CTNND2: variants seen among roughly 807,000 people sequenced by gnomAD.
The protein encoded by CTNND2 is catenin delta-2.
In CTNND2, 22 loss-of-function variants were observed where a neutral mutation model predicts 144.4. The ratio of observed to expected loss-of-function variants is 0.15; its 90% confidence interval spans 0.11 to 0.22. The LOEUF (loss-of-function observed/expected upper bound fraction) is 0.22. CTNND2 is among the 10% of genes least tolerant of loss of function. The probability of loss-of-function intolerance (pLI) is 1.00; values close to 1 mark genes in which losing one functional copy is unlikely to be tolerated. For missense variants in CTNND2, 1,353 were observed against 1,618.8 expected, an observed-to-expected ratio of 0.84 and a Z score of 2.82; for synonymous variants, 751 against 695.6, an observed-to-expected ratio of 1.08 and a Z score of -1.25.
chr5:11,409,111 C>T (rs1254530949), intron 5 of CTNND2, among the ~76,000 whole-genome samples: 1 of 151,906 alleles, frequency 6.6e-6, no homozygotes, highest in African/African-American at 2.4e-5. Flanking sequence ...TCTGTTTTTA[C>T]TAAAAAATGT....
rs1195313333 is a variant in CTNND2, at chr5:10,992,469, C to CG, written c.3211+81dup. The CG allele has an allele frequency of 3.1e-6, 5 of 1,588,088 alleles. No homozygotes were observed. The African/African-American group carries it at 6.7e-5, about 21-fold the overall frequency. Reference sequence around the variant, plus strand: ...TGAATGGAAGGCTCTCCTCTGAGTACGGGTTGGCTCACGGACTGGGAAGGA... The same window carrying CG: ...TGAATGGAAGGCTCTCCTCTGAGTACGGGGTTGGCTCACGGACTGGGAAGGA... On this transcript the variant is annotated intron_variant, in intron 19 of 21. Transcript: ENST00000304623.
chr5:11,292,913 C>T (rs1748511559), intron 9 of CTNND2, among the ~76,000 whole-genome samples: 1 of 152,156 alleles, frequency 6.6e-6, no homozygotes, highest in Admixed American at 6.6e-5. Context: ...CTCAGACTTC[C>T]AGCATCCAGA....
chr5:11,644,391 T>C (rs2727616), intron 2 of CTNND2, among the ~76,000 whole-genome samples: 45,605 of 152,036 alleles, frequency 0.3, 8,308 homozygotes, highest in African/African-American at 0.5. Context: ...ACCAAGCGGC[T>C]GTGCCGGGTG....
intron 1 of CTNND2, among the ~76,000 whole-genome samples, chr5:11,817,480 A>C (rs1793050047): frequency 7.0e-6 from 1 of 143,390 alleles, no homozygotes; most frequent in South Asian, 2.3e-4. Context: ...CGCTGGAGTG[A>C]GCCAGAGCCA....
chr5:11,564,061 G>T (rs1484054571), intron 3 of CTNND2, among the ~76,000 whole-genome samples: 2 of 152,184 alleles, frequency 1.3e-5, no homozygotes, highest in African/African-American at 4.8e-5. Context: ...ATAGGGGATG[G>T]CAAGGTCATC....
At chr5:11,302,956 G>T (rs555415521) in intron 9 of CTNND2, among the ~76,000 whole-genome samples, 1 of 152,280 alleles carries the variant, frequency 6.6e-6, no homozygotes, top group East Asian at 1.9e-4. Flanking sequence ...AGTTATCCCA[G>T]AGTGTTCAGA....
chr5:11,869,339 A>G (rs577180682), intron 1 of CTNND2, among the ~76,000 whole-genome samples: 40 of 152,366 alleles, frequency 2.6e-4, no homozygotes, highest in African/African-American at 9.4e-4. Context: ...CAATTGATGG[A>G]TGAATGGGCA....
At chr5:11,342,166 A>G (rs1464925252) in intron 9 of CTNND2, among the ~76,000 whole-genome samples, 1 of 152,246 alleles carries the variant, frequency 6.6e-6, no homozygotes, top group African/African-American at 2.4e-5. Context: ...ATTCTTTACC[A>G]AGGTTTACCT....
chr5:11,531,978 G>T (rs1773784632), intron 3 of CTNND2, among the ~76,000 whole-genome samples: 1 of 152,100 alleles, frequency 6.6e-6, no homozygotes, highest in Non-Finnish European at 1.5e-5. Context: ...CTCCCAAACT[G>T]TTCCCCCAGC....
At chr5:11,608,112 C>G (rs777189332) in intron 2 of CTNND2, among the ~76,000 whole-genome samples, 1 of 152,140 alleles carries the variant, frequency 6.6e-6, no homozygotes, top group African/African-American at 2.4e-5. Flanking sequence ...ATACCAGATG[C>G]AATGTGAACC....
intron 1 of CTNND2, among the ~76,000 whole-genome samples, chr5:11,810,220 A>C (rs1009383160): frequency 2.0e-5 from 3 of 152,100 alleles, no homozygotes; most frequent in Non-Finnish European, 4.4e-5. Flanking sequence ...AATTTTGCTA[A>C]AGTTGACATC....
At chr5:11,379,078 C>G (rs754137307) in intron 7 of CTNND2, among the ~76,000 whole-genome samples, 1 of 152,076 alleles carries the variant, frequency 6.6e-6, no homozygotes, top group African/African-American at 2.4e-5. Context: ...GTCTACAACT[C>G]GTATTTCTTT....
chr5:11,655,400 A>G (rs542134867), intron 2 of CTNND2, among the ~76,000 whole-genome samples: 53 of 152,156 alleles, frequency 3.5e-4, no homozygotes, highest in Non-Finnish European at 5.6e-4. Flanking sequence ...TGCAAAACAC[A>G]GCCATATATT....
At chr5:11,798,637 CGTGCCTGTAATGGCAGCTACTCGGGACG>C (rs1791525728) in intron 1 of CTNND2, among the ~76,000 whole-genome samples, 1 of 152,016 alleles carries the variant, frequency 6.6e-6, no homozygotes, top group African/African-American at 2.4e-5. Flanking sequence ...CCTGGTGGTG[CGTGCCTGTAATGGCAGCTACTCGGGACG>C]CTGAGGCAGG....
chr5:11,008,078 C>T (rs1740672575), intron 18 of CTNND2, among the ~76,000 whole-genome samples: 1 of 152,138 alleles, frequency 6.6e-6, no homozygotes, highest in Admixed American at 6.5e-5. Context: ...AGGTGGTGAG[C>T]ATGGAGTTAG....
intron 2 of CTNND2, among the ~76,000 whole-genome samples, chr5:11,585,585 A>G (rs1189682546): frequency 6.6e-6 from 1 of 152,124 alleles, no homozygotes; most frequent in Non-Finnish European, 1.5e-5. Context: ...CTAGAAATGC[A>G]TCAATGAAAA....
At chr5:11,462,403 C>T (rs1017953157) in intron 3 of CTNND2, among the ~76,000 whole-genome samples, 3 of 152,174 alleles carry the variant, frequency 2.0e-5, no homozygotes, top group Admixed American at 2.0e-4. Context: ...CATATCACAT[C>T]TCCCCTCAAC....
intron 2 of CTNND2, among the ~76,000 whole-genome samples, chr5:11,685,565 A>G (rs1236535034): frequency 6.6e-6 from 1 of 152,196 alleles, no homozygotes; most frequent in African/African-American, 2.4e-5. Context: ...TACTTTTCCA[A>G]ACATAAGGAT....
At chr5:11,262,761 CAAAAAAAAAAA>C (rs11289676) in intron 9 of CTNND2, among the ~76,000 whole-genome samples, 1 of 45,678 alleles carries the variant, frequency 2.2e-5, no homozygotes, top group African/African-American at 9.7e-5. Flanking sequence ...GACTCTGTCT[CAAAAAAAAAAA>C]AAAAAAAAAA....
Sources: gnomAD v4.1 joint callset for allele counts (sites outside exome capture counted in the v4.1 genomes callset) on GRCh38, gnomAD v4.1.1 for gene constraint, MANE v1.5 for transcripts, NCBI Gene and HGNC (gene_info 2026-07-23, HGNC 2026-07-21) for gene names.